CEP120: variants seen among roughly 807,000 people sequenced by gnomAD.
CEP120 encodes centrosomal protein of 120 kDa.
CEP120 carries 113 observed loss-of-function variants against 126.5 expected under a neutral mutation model. That is an observed-to-expected ratio of 0.89 (90% CI 0.77 to 1.04). The LOEUF (loss-of-function observed/expected upper bound fraction) is 1.04. Ranked by LOEUF, CEP120 falls within the 50% of genes least tolerant of loss-of-function variation. The pLI is 0.00. For missense variants in CEP120, 1,230 were observed against 1,155.7 expected, an observed-to-expected ratio of 1.06 and a Z score of -0.93; for synonymous variants, 400 against 394.3, an observed-to-expected ratio of 1.01 and a Z score of -0.17.
chr5:123,386,087 C>G (rs1246145638), intron 10 of CEP120, among the ~76,000 whole-genome samples: 1 of 151,936 alleles, frequency 6.6e-6, no homozygotes. Context: ...GAATCCATTT[C>G]AGATAGTCAG....
chr5:123,422,372 T>G, intron 1 of CEP120: 5 of 816,574 alleles, frequency 6.1e-6, no homozygotes, highest in Non-Finnish European at 9.7e-6. Context: ...ATCCTTAGCT[T>G]TTTAGAATCA....
At chr5:123,400,758 G>C (rs1773153087) in intron 4 of CEP120, among the ~76,000 whole-genome samples, 1 of 147,028 alleles carries the variant, frequency 6.8e-6, no homozygotes. Flanking sequence ...CATGGGCAAA[G>C]GGGGGGTCCC....
intron 5 of CEP120, 91 bp downstream of exon 5, chr5:123,399,045 T>A: frequency 1.1e-6 from 1 of 939,816 alleles, no homozygotes; most frequent in Non-Finnish European, 1.5e-6. Flanking sequence ...AAAAAAAGTC[T>A]ACTTGCAAGT....
intron 18 of CEP120, among the ~76,000 whole-genome samples, chr5:123,357,241 G>T (rs1769702719): frequency 6.6e-6 from 1 of 152,024 alleles, no homozygotes. Flanking sequence ...CAATTTTGCT[G>T]TGATGCATCT....
intron 18 of CEP120, among the ~76,000 whole-genome samples, chr5:123,354,057 T>C (rs1769390285): frequency 6.6e-6 from 1 of 152,158 alleles, no homozygotes; most frequent in African/African-American, 2.4e-5. Context: ...ACTGTGGTTA[T>C]ACATTTCCCT....
chr5:123,387,516 A>C (rs1772108842), intron 9 of CEP120, among the ~76,000 whole-genome samples: 1 of 152,168 alleles, frequency 6.6e-6, no homozygotes, highest in Admixed American at 6.5e-5. Context: ...ACAGCTGCAA[A>C]CTACAATTTC....
chr5:123,398,630 T>C (rs1035929127), intron 5 of CEP120, among the ~76,000 whole-genome samples: 5 of 152,248 alleles, frequency 3.3e-5, no homozygotes, highest in African/African-American at 1.2e-4. Flanking sequence ...ATTCATGTTC[T>C]TGCTCTGCTA....
intron 2 of CEP120, among the ~76,000 whole-genome samples, chr5:123,416,404 T>TAA (rs905714524): frequency 2.5e-4 from 37 of 149,998 alleles, no homozygotes; most frequent in Admixed American, 2.1e-3. Context: ...CTACTAAAAT[T>TAA]AAAAAAAACA....
Position 123,418,512 on chromosome 5 carries a change from C to A in CEP120, c.53G>T (p.Arg18Leu). ...ATGCTTTGGACGTTTGGGGAAATGC[C>A]GACCTGGAGAAACAGAATATATAGA... ...LLIVVSILEG[R>L]HFPKRPKHML... The change falls in exon 2 of 20, where the codon CGG (arginine) becomes CTG (leucine). Residue 18 changes from arginine to leucine, a missense_variant. By Grantham distance (102) the Arg-to-Leu change is moderately radical. Transcript: ENST00000306467. 6.3e-7 allele frequency: 1 copy of A among 1,592,876 alleles called. No individual in the cohort carries two copies. The highest frequency in any genetic ancestry group is 1.1e-5 in the South Asian group (1 of 88,094).
At position 123,377,448 on chromosome 5, in the gene CEP120, A is replaced by C. The variant is rs147259841; in HGVS notation, c.2284T>G (p.Cys762Gly). Residue 762 changes from cysteine to glycine, a missense_variant, in exon 16 of 20, where the codon TGT (cysteine) becomes GGT (glycine). Cys to Gly is a radical substitution (Grantham distance 159). Coordinates refer to ENST00000306467, the MANE Select transcript of CEP120 (RefSeq NM_001375405.1). ...QDSIRRAKED[C>G]IHQVELERLK... ...CTTTCTAGTTCTACTTGGTGAATAC[A>C]GTCCTCTTTGGCCCTACGGATAGAG... 3 of 1,611,900 alleles carry C rather than the reference A, an allele frequency of 1.9e-6. No individual in the cohort carries two copies. Among genetic ancestry groups the C allele is most frequent in the Non-Finnish European group, 2.5e-6 (3 of 1,179,310 alleles).
At chr5:123,387,074 A>C (rs934088688) in intron 9 of CEP120, among the ~76,000 whole-genome samples, 2 of 152,202 alleles carry the variant, frequency 1.3e-5, no homozygotes, top group African/African-American at 2.4e-5. Flanking sequence ...CGAATGTATT[A>C]TGGATGAATC....
rs148913799 is a variant in CEP120, at chr5:123,410,186, G to C, written c.463+2213C>G. On this transcript the variant is annotated intron_variant, in intron 4 of 19. Transcript: ENST00000306467. ...TATATGAAGAAAACTATAAAACTCT[G>C]ATAAAAGAAATCAAAGAACTAAATA... Among the ~76,000 whole-genome samples the C allele has an allele frequency of 3.9e-5, 6 of 152,182 alleles. No homozygotes were observed. The East Asian group carries it at 1.2e-3, about 29-fold the overall frequency.
intron 18 of CEP120, among the ~76,000 whole-genome samples, chr5:123,363,731 T>C (rs9327293): frequency 0.72 from 108,008 of 151,004 alleles, 38,750 homozygotes; most frequent in African/African-American, 0.75. Flanking sequence ...TTAATAGTAT[T>C]TGACAGTTAT....
chr5:123,412,502 G>T lies in CEP120; in HGVS notation c.360C>A (p.Thr120=). The part of the protein sequence containing the change: ...KWYQLLSNKY[T]KFKSEIQISI... Reference sequence around the variant, plus strand: ...TTATCTGTATCTCAGACTTGAATTTGGTGTATTTATTACTCAGCAACTGGT... The same window carrying T: ...TTATCTGTATCTCAGACTTGAATTTTGTGTATTTATTACTCAGCAACTGGT... Residue 120 remains threonine, a synonymous_variant, in exon 4 of 20, where the codon ACC becomes ACA. Transcript: ENST00000306467. The T allele has an allele frequency of 6.2e-7, 1 of 1,609,970 alleles. No homozygotes were observed. Among genetic ancestry groups the T allele is most frequent in the Non-Finnish European group, 8.5e-7 (1 of 1,178,014 alleles).
intron 4 of CEP120, among the ~76,000 whole-genome samples, chr5:123,407,634 C>T (rs1259787056): frequency 6.6e-6 from 1 of 152,182 alleles, no homozygotes; most frequent in African/African-American, 2.4e-5. Flanking sequence ...AACTTGGAGA[C>T]TTTAACACAC....
intron 16 of CEP120, among the ~76,000 whole-genome samples, chr5:123,376,851 T>C (rs1771261958): frequency 1.3e-5 from 2 of 152,074 alleles, no homozygotes; most frequent in Admixed American, 1.3e-4. Context: ...AGTCCTGAGC[T>C]TGGAGGAAGT....
At chr5:123,379,542 A>G (rs187123542) in intron 14 of CEP120, among the ~76,000 whole-genome samples, 41 of 152,220 alleles carry the variant, frequency 2.7e-4, no homozygotes, top group Admixed American at 2.2e-3. Context: ...ATGGTACATA[A>G]CTACCATTTT....
At chr5:123,408,447 A>G (rs1307597006) in intron 4 of CEP120, among the ~76,000 whole-genome samples, 1 of 152,074 alleles carries the variant, frequency 6.6e-6, no homozygotes, top group African/African-American at 2.4e-5. Context: ...ATCACTACAG[A>G]GCCTACCGGT....
chr5:123,399,397 T>C, intron 4 of CEP120, 113 bp from the exon 5 acceptor site: 4 of 919,638 alleles, frequency 4.3e-6, no homozygotes, highest in Non-Finnish European at 6.5e-6. Context: ...TGAATACAGT[T>C]AATATCTAAT....
Sources: gnomAD v4.1 joint callset for allele counts (sites outside exome capture counted in the v4.1 genomes callset) on GRCh38, gnomAD v4.1.1 for gene constraint, MANE v1.5 for transcripts, NCBI Gene and HGNC (gene_info 2026-07-23, HGNC 2026-07-21) for gene names.